KCNMA1: variants seen among roughly 807,000 people sequenced by gnomAD.
KCNMA1 encodes the protein potassium calcium-activated channel subfamily M alpha 1.
KCNMA1 carries 29 observed loss-of-function variants against 140.0 expected under a neutral mutation model. The ratio of observed to expected loss-of-function variants is 0.21; its 90% CI spans 0.15 to 0.28. KCNMA1 has a LOEUF of 0.28. Ranked by LOEUF, KCNMA1 falls within the 10% of genes least tolerant of loss-of-function variation. KCNMA1 has a pLI of 1.00. For missense variants in KCNMA1, 880 were observed against 1,602.2 expected (o/e 0.55, Z 7.70); for synonymous variants, 612 against 611.9 (o/e 1.00, Z 0.00).
chr10:77,167,127 C>A (rs1315439450), intron 5 of KCNMA1, among the ~76,000 whole-genome samples: 4 of 152,138 alleles, frequency 2.6e-5, no homozygotes, highest in Admixed American at 2.6e-4. Flanking sequence ...TCCTCCCCTC[C>A]TTCCTACCCT....
At chr10:76,914,770 G>T (rs564559546) in intron 24 of KCNMA1, 166 bp downstream of exon 24, 2 of 610,792 alleles carry the variant, frequency 3.3e-6, no homozygotes, top group Admixed American at 2.5e-5. Flanking sequence ...TTTCCCTTCC[G>T]GTAATCTGCC....
In KCNMA1 at chr10:77,082,007, CTTTTTTTTTTTTTT is replaced by C. The variant is rs201288668; in HGVS notation, c.1524-2471_1524-2458del. Among the ~76,000 whole-genome samples, 13 of 32,516 alleles carry C rather than the reference CTTTTTTTTTTTTTT, an allele frequency of 4.0e-4. No individual in the cohort carries two copies. The East Asian group carries it at 5.4e-3, about 13-fold the overall frequency. The allele number at this position is 32,516 out of a possible 152,430, so 21.3% of individuals were successfully genotyped here. A position where few individuals can be genotyped will look rare whatever the true frequency, so the allele number is the denominator to read the frequency against. On this transcript the variant is annotated intron_variant, in intron 12 of 27. Transcript: ENST00000286628. ...GACCAGTAATTTCTTTTTTTCTTTTCTTTTTTTTTTTTTTTTTTTTTTTTTTTTTTTTTTTAAGA... is the reference window on the plus strand; with the variant it reads ...GACCAGTAATTTCTTTTTTTCTTTTCTTTTTTTTTTTTTTTTTTTTTAAGA...
chr10:77,303,515 A>C (rs2076996951), intron 2 of KCNMA1, among the ~76,000 whole-genome samples: 1 of 152,168 alleles, frequency 6.6e-6, no homozygotes, highest in Admixed American at 6.5e-5. Flanking sequence ...ATTTGTTTTT[A>C]TACTTTGCAA....
At chr10:77,066,833 T>C (rs1328059266) in intron 14 of KCNMA1, among the ~76,000 whole-genome samples, 3 of 152,186 alleles carry the variant, frequency 2.0e-5, no homozygotes, top group Non-Finnish European at 4.4e-5. Flanking sequence ...AGACAAACTC[T>C]CTACTCTGGT....
chr10:77,234,581 T>C (rs1045951486), intron 3 of KCNMA1, among the ~76,000 whole-genome samples: 2 of 152,228 alleles, frequency 1.3e-5, no homozygotes, highest in African/African-American at 4.8e-5. Context: ...TAGTGACATG[T>C]AATCCATACT....
At chr10:77,276,686 G>A (rs2066778288) in intron 2 of KCNMA1, among the ~76,000 whole-genome samples, 1 of 152,154 alleles carries the variant, frequency 6.6e-6, no homozygotes, top group African/African-American at 2.4e-5. Flanking sequence ...TCCCCAGGGA[G>A]TGGGTTTCTA....
At chr10:77,536,545 G>A (rs745429687) in intron 1 of KCNMA1, among the ~76,000 whole-genome samples, 1 of 152,148 alleles carries the variant, frequency 6.6e-6, no homozygotes, top group Admixed American at 6.5e-5. Flanking sequence ...CTGTGCAACA[G>A]CCTTACTATG....
At chr10:77,537,131 T>C (rs1433274318) in intron 1 of KCNMA1, among the ~76,000 whole-genome samples, 5 of 152,178 alleles carry the variant, frequency 3.3e-5, no homozygotes, top group African/African-American at 1.2e-4. Flanking sequence ...GGGGAGTACA[T>C]AGAGCCCCAG....
At chr10:77,260,607 G>A (rs2061750362) in intron 2 of KCNMA1, among the ~76,000 whole-genome samples, 1 of 152,144 alleles carries the variant, frequency 6.6e-6, no homozygotes, top group Non-Finnish European at 1.5e-5. Flanking sequence ...TACTGGGGAG[G>A]CTGAGGCATG....
chr10:77,564,614 G>A (rs900061880), intron 1 of KCNMA1, among the ~76,000 whole-genome samples: 3 of 152,152 alleles, frequency 2.0e-5, no homozygotes, highest in African/African-American at 7.2e-5. Context: ...TGTAAAAAAG[G>A]TGATTTCATG....
intron 3 of KCNMA1, among the ~76,000 whole-genome samples, chr10:77,244,885 C>T (rs996731181): frequency 7.9e-5 from 12 of 152,166 alleles, no homozygotes; most frequent in Non-Finnish European, 1.3e-4. Context: ...TGAGTGGGCT[C>T]GGCTCCTCTA....
chr10:77,046,999 T>G (rs1054793498), intron 14 of KCNMA1, among the ~76,000 whole-genome samples: 1 of 152,220 alleles, frequency 6.6e-6, no homozygotes, highest in African/African-American at 2.4e-5. Flanking sequence ...CTGAACTTCT[T>G]GGATGTGGAC....
chr10:77,481,429 C>T (rs1441524088), intron 1 of KCNMA1, among the ~76,000 whole-genome samples: 1 of 152,174 alleles, frequency 6.6e-6, no homozygotes, highest in African/African-American at 2.4e-5. Flanking sequence ...TCAATTCAAT[C>T]ATGCTGTTTT....
chr10:76,914,987 G>A lies in KCNMA1; in HGVS notation c.2965C>T (p.Arg989Cys), dbSNP rs143599540. ...PDNSPVHGML[R>C]QPSITTGVNI... ...ACCCCAGTTGTGATGGATGGTTGAC[G>A]TAACATCCCGTGCACTGGGCTGTTA... is the stretch of plus-strand genomic sequence containing the variant. Residue 989 changes from arginine (R) to cysteine (C), a missense_variant, in exon 24 of 28, where the codon CGT becomes TGT. By Grantham distance (180) the Arg-to-Cys change is radical (BLOSUM62 -3). Around this residue, in one of 13 missense-constraint regions of KCNMA1, gnomAD observed 44 missense variants for 58.2 expected, o/e 0.76. Coordinates refer to ENST00000286628, the MANE Select transcript of KCNMA1 (RefSeq NM_001161352.2). The A allele has an allele frequency of 8.4e-5, 135 of 1,613,638 alleles. 2 individuals carry two copies. In the African/African-American group the frequency reaches 1.5e-3, roughly 18 times the overall value.
intron 2 of KCNMA1, among the ~76,000 whole-genome samples, chr10:77,300,937 T>C (rs2076391527): frequency 6.6e-6 from 1 of 152,302 alleles, no homozygotes; most frequent in South Asian, 2.1e-4. Flanking sequence ...CCCCACAGGT[T>C]CTGATTCCAT....
intron 17 of KCNMA1, among the ~76,000 whole-genome samples, chr10:77,013,147 C>T (rs2091236606): frequency 6.6e-6 from 1 of 152,148 alleles, no homozygotes; most frequent in African/African-American, 2.4e-5. Flanking sequence ...TCTTAGGTTC[C>T]TTTTTATGTT....
In KCNMA1 at chr10:77,388,540, C is replaced by T. The variant is rs74988049; in HGVS notation, c.540+15322G>A. Among the ~76,000 whole-genome samples the T allele has an allele frequency of 3.3e-5, 5 of 152,350 alleles. No homozygotes were observed. The South Asian group carries it at 6.2e-4, about 19-fold the overall frequency. On this transcript the variant is annotated intron_variant, in intron 2 of 27. Transcript: ENST00000286628. ...CCTCCAAATCCCTGAGAACAAACAA[C>T]TCTCTTGTAAATGGCTTAATGTGTC...
intron 6 of KCNMA1, 141 bp from the exon 7 acceptor site, chr10:77,112,583 C>T (rs1405033404): frequency 4.6e-5 from 32 of 696,966 alleles, no homozygotes; most frequent in Non-Finnish European, 6.8e-5. Context: ...TAAGGGAATT[C>T]TGGAAGGTGG....
At chr10:77,046,282 G>A (rs2095050364) in intron 14 of KCNMA1, among the ~76,000 whole-genome samples, 1 of 152,062 alleles carries the variant, frequency 6.6e-6, no homozygotes, top group Non-Finnish European at 1.5e-5. Context: ...GCAATACATT[G>A]TCACTGTCCT....
Sources: allele counts gnomAD v4.1 joint callset (sites outside exome capture counted in the v4.1 genomes callset), GRCh38; gene constraint gnomAD v4.1.1; regional missense constraint gnomAD v4.1.1; transcripts MANE v1.5; gene names NCBI Gene and HGNC (gene_info 2026-07-23, HGNC 2026-07-21).